The following CABLES1 variants were observed in gnomAD, a reference collection of about 807,000 sequenced individuals.
CABLES1 encodes the protein Cdk5 and Abl enzyme substrate 1, also known as CDK5 and ABL1 enzyme substrate 1.
In CABLES1, 36 loss-of-function variants were observed where a neutral mutation model predicts 57.8. That is an observed-to-expected ratio of 0.62 (90% confidence interval 0.48 to 0.82). The LOEUF is 0.82. CABLES1 is among the 40% of genes least tolerant of loss of function. CABLES1 has a pLI of 0.00. For missense variants in CABLES1, 767 were observed against 836.6 expected, an observed-to-expected ratio of 0.92 and a Z score of 1.03; for synonymous variants, 374 against 363.0, an observed-to-expected ratio of 1.03 and a Z score of -0.35.
chr18:23,148,021 G>A (rs1430727179), intron 1 of CABLES1, among the ~76,000 whole-genome samples: 2 of 109,954 alleles, frequency 1.8e-5, no homozygotes, highest in African/African-American at 7.2e-5. Flanking sequence ...ACGGAGTCTC[G>A]CTTTGTTGCC....
At position 23,139,766 on chromosome 18, in the gene CABLES1, T is replaced by C. The variant is rs140670929; in HGVS notation, c.845+3159T>C. 4.3e-3 allele frequency among the ~76,000 whole-genome samples: 662 copies of C among 152,302 alleles called. 2 individuals are homozygous for C. The highest frequency in any genetic ancestry group is 0.034 in the Middle Eastern group (10 of 294). On this transcript the variant is annotated intron_variant, in intron 1 of 9. Transcript: ENST00000256925. ...TGAGAGGCACATATGATAATCTAAC[T>C]TAGTTGGGCCAGGATAGGAACCTGG...
At chr18:23,215,880 A>G (rs550089567) in intron 4 of CABLES1, among the ~76,000 whole-genome samples, 1 of 151,496 alleles carries the variant, frequency 6.6e-6, no homozygotes, top group South Asian at 2.1e-4. Flanking sequence ...CTGCCTCCTG[A>G]GTAGCTGGGA....
intron 9 of CABLES1, among the ~76,000 whole-genome samples, chr18:23,254,540 G>T (rs957749267): frequency 2.6e-5 from 4 of 152,212 alleles, no homozygotes; most frequent in African/African-American, 4.8e-5. Flanking sequence ...TTCCCAAGAG[G>T]AGTAGTATCT....
chr18:23,170,012 A>G (rs558986864), intron 1 of CABLES1, among the ~76,000 whole-genome samples: 28 of 152,272 alleles, frequency 1.8e-4, no homozygotes, highest in African/African-American at 4.8e-4. Flanking sequence ...GCAATGCCCT[A>G]TCCCTCTCAG....
At chr18:23,154,093 G>A (rs879139761) in intron 1 of CABLES1, among the ~76,000 whole-genome samples, 1 of 151,804 alleles carries the variant, frequency 6.6e-6, no homozygotes, top group African/African-American at 2.4e-5. Context: ...AACACATATA[G>A]TCTTCTAATT....
At chr18:23,176,348 C>T (rs1689897338) in intron 1 of CABLES1, among the ~76,000 whole-genome samples, 1 of 152,102 alleles carries the variant, frequency 6.6e-6, no homozygotes, top group Non-Finnish European at 1.5e-5. Flanking sequence ...CTTGGCGCTC[C>T]TGTGAGAATC....
chr18:23,254,673 G>C (rs1397786592), intron 9 of CABLES1, among the ~76,000 whole-genome samples: 1 of 152,216 alleles, frequency 6.6e-6, no homozygotes, highest in African/African-American at 2.4e-5. Flanking sequence ...TTCTGGTGAG[G>C]TTCCTCTCCT....
intron 4 of CABLES1, among the ~76,000 whole-genome samples, chr18:23,231,771 AT>A (rs146647222): frequency 0.055 from 8,285 of 149,752 alleles, 670 homozygotes; most frequent in Admixed American, 0.23. Context: ...ACATGACTAT[AT>A]TTTTTTTTTG....
At chr18:23,208,854 C>G (rs1427427134) in intron 3 of CABLES1, among the ~76,000 whole-genome samples, 1 of 152,238 alleles carries the variant, frequency 6.6e-6, no homozygotes, top group Non-Finnish European at 1.5e-5. Context: ...CTGGTGAGCC[C>G]TGGTGTCCTT....
intron 1 of CABLES1, among the ~76,000 whole-genome samples, chr18:23,181,308 A>G (rs1471183122): frequency 1.3e-5 from 2 of 148,348 alleles, no homozygotes; most frequent in Non-Finnish European, 2.9e-5. Context: ...AGACTGGCCA[A>G]CATGGTGAAA....
At chr18:23,235,162 C>T (rs1406667127) in intron 5 of CABLES1, among the ~76,000 whole-genome samples, 3 of 152,152 alleles carry the variant, frequency 2.0e-5, no homozygotes, top group East Asian at 1.9e-4. Context: ...TGCAACGAGT[C>T]GTGGGGTTGA....
intron 1 of CABLES1, among the ~76,000 whole-genome samples, chr18:23,147,827 C>T (rs187535299): frequency 1.4e-4 from 21 of 152,268 alleles, no homozygotes; most frequent in African/African-American, 4.3e-4. Flanking sequence ...CCCAGGAAGA[C>T]GCTGCCCTAC....
At chr18:23,207,493 C>T (rs548144933) in intron 3 of CABLES1, among the ~76,000 whole-genome samples, 94 of 152,278 alleles carry the variant, frequency 6.2e-4, no homozygotes, top group Admixed American at 1.1e-3. Context: ...CACCTTGCCT[C>T]CTTTAGGCTG....
At chr18:23,236,534 A>G (rs867926996) in intron 6 of CABLES1, among the ~76,000 whole-genome samples, 1 of 152,130 alleles carries the variant, frequency 6.6e-6, no homozygotes, top group Non-Finnish European at 1.5e-5. Context: ...AAACCTTTGT[A>G]AGAACTGGCA....
intron 4 of CABLES1, among the ~76,000 whole-genome samples, chr18:23,230,065 A>G (rs2047556105): frequency 1.3e-5 from 2 of 152,190 alleles, no homozygotes; most frequent in Admixed American, 1.3e-4. Flanking sequence ...GAGTCTTAAC[A>G]TATACAAATT....
chr18:23,146,659 C>G (rs923678067), intron 1 of CABLES1, among the ~76,000 whole-genome samples: 1 of 152,130 alleles, frequency 6.6e-6, no homozygotes, highest in African/African-American at 2.4e-5. Flanking sequence ...ATTATAAGTT[C>G]TGTTTATTTG....
At chr18:23,180,822 C>T (rs1396439852) in intron 1 of CABLES1, among the ~76,000 whole-genome samples, 2 of 152,058 alleles carry the variant, frequency 1.3e-5, no homozygotes, top group Non-Finnish European at 2.9e-5. Flanking sequence ...ATTTCAAGAG[C>T]AAAAGATTAT....
At chr18:23,252,918 C>T (rs762172037) in intron 7 of CABLES1, 42 bp from the exon 8 acceptor site, 24 of 1,339,994 alleles carry the variant, frequency 1.8e-5, no homozygotes, top group African/African-American at 2.9e-5. Flanking sequence ...TACATACGAC[C>T]CTTGTTTTAA....
chr18:23,199,905 A>G (rs2047311038), intron 3 of CABLES1, among the ~76,000 whole-genome samples: 1 of 152,192 alleles, frequency 6.6e-6, no homozygotes, highest in South Asian at 2.1e-4. Context: ...TATTACTATT[A>G]AGACAATGGT....
Sources: gnomAD v4.1 joint callset for allele counts (sites outside exome capture counted in the v4.1 genomes callset) on GRCh38, gnomAD v4.1.1 for gene constraint, MANE v1.5 for transcripts, NCBI Gene and HGNC (gene_info 2026-07-23, HGNC 2026-07-21) for gene names.